The following TSPEAR variants were observed in gnomAD, a reference collection of about 807,000 sequenced individuals.
The protein encoded by TSPEAR is thrombospondin type laminin G domain and EAR repeats.
In TSPEAR, 69 loss-of-function variants were observed where a neutral mutation model predicts 71.6. The observed-to-expected ratio is 0.96, with a 90% confidence interval of 0.79 to 1.18. TSPEAR has a LOEUF of 1.18. TSPEAR is among the 50% of genes most tolerant of loss of function. The pLI, the probability that TSPEAR is intolerant of heterozygous loss-of-function variation, is 0.00. For synonymous variants in TSPEAR, 402 were observed against 387.2 expected, an observed-to-expected ratio of 1.04 and a Z score of -0.45; for missense variants, 971 against 894.9, an observed-to-expected ratio of 1.09 and a Z score of -1.09.
chr21:44,620,657 A>G (rs587663797), intron 1 of TSPEAR, among the ~76,000 whole-genome samples: 13 of 152,322 alleles, frequency 8.5e-5, no homozygotes, highest in African/African-American at 2.6e-4. Flanking sequence ...TAAAATTTCT[A>G]TTCCATTTAT....
At chr21:44,595,282 C>T (rs1164511913) in intron 1 of TSPEAR, among the ~76,000 whole-genome samples, 1 of 152,168 alleles carries the variant, frequency 6.6e-6, no homozygotes, top group Admixed American at 6.5e-5. Flanking sequence ...AGCCCATTCT[C>T]ATTATTCCCA....
chr21:44,627,892 C>G, intron 1 of TSPEAR: 1 of 1,612,124 alleles, frequency 6.2e-7, no homozygotes, highest in East Asian at 2.2e-5. Context: ...TGTGTGCAGG[C>G]CCGCCTGCTG....
Position 44,512,154 on chromosome 21 carries a change from AGCAGGG to A in TSPEAR, c.1567-2774_1567-2769del, listed in dbSNP as rs1601333377. 8.5e-5 allele frequency among the ~76,000 whole-genome samples: 13 copies of A among 152,292 alleles called. No individual in the cohort carries two copies. The South Asian group carries it at 2.7e-3, about 32-fold the overall frequency. The stretch of plus-strand genomic sequence containing the variant: ...AGGGCTGGGCGCACACAGAGTGCGG[AGCAGGG>A]GCTGGGGCGGGCCTACAGGGCCTGG... On this transcript the variant is annotated intron_variant, in intron 9 of 11. Coordinates refer to ENST00000323084, the MANE Select transcript of TSPEAR (RefSeq NM_144991.3).
chr21:44,602,733 A>AGG (rs1981043165), intron 1 of TSPEAR, among the ~76,000 whole-genome samples: 1 of 151,794 alleles, frequency 6.6e-6, no homozygotes, highest in South Asian at 2.1e-4. Context: ...AACATCGCAC[A>AGG]CGCAGCGTCC....
chr21:44,655,526 C>T (rs1415248807), intron 1 of TSPEAR, among the ~76,000 whole-genome samples: 7 of 152,332 alleles, frequency 4.6e-5, no homozygotes, highest in Middle Eastern at 3.4e-3. Context: ...CCTCTGCAGA[C>T]GGAGCCCAGG....
intron 1 of TSPEAR, among the ~76,000 whole-genome samples, chr21:44,689,922 C>T (rs1555949554): frequency 6.6e-6 from 1 of 151,512 alleles, no homozygotes; most frequent in Non-Finnish European, 1.5e-5. Flanking sequence ...CTAGGCCAGT[C>T]TCGCCTCTTC....
At chr21:44,601,921 C>T in intron 1 of TSPEAR, 1 of 848,838 alleles carries the variant, frequency 1.2e-6, no homozygotes, top group Non-Finnish European at 1.8e-6. Flanking sequence ...TCTTGACTTT[C>T]CCCCAATTAC....
intron 1 of TSPEAR, among the ~76,000 whole-genome samples, chr21:44,678,328 T>C (rs1234011944): frequency 2.0e-5 from 3 of 152,082 alleles, no homozygotes; most frequent in African/African-American, 7.2e-5. Context: ...CTCTTGGTGG[T>C]ATTGTCATGA....
intron 1 of TSPEAR, among the ~76,000 whole-genome samples, chr21:44,589,564 T>C (rs1441346630): frequency 6.6e-6 from 1 of 152,168 alleles, no homozygotes; most frequent in Non-Finnish European, 1.5e-5. Context: ...GAGGGACGGT[T>C]TTCCAAGGTG....
chr21:44,612,713 CCCT>C lies in TSPEAR; in HGVS notation c.83-44711_83-44709del. 6.2e-7 allele frequency: 1 copy of C among 1,613,876 alleles called. No homozygotes were observed. The highest frequency in any genetic ancestry group is 2.2e-5 in the East Asian group (1 of 44,874). On this transcript the variant is annotated intron_variant, in intron 1 of 11. Coordinates refer to ENST00000323084, the MANE Select transcript of TSPEAR (RefSeq NM_144991.3). This position sits in a 1 kb window ranked among gnomAD's most constrained non-coding sequence, Gnocchi z 4.1. ...TTGCTGCACCACCTCCTGCTGCAGA[CCCT>C]CCTCCTCCGTGTCCCTCCTCTGCCG...
chr21:44,522,070 G>T lies in TSPEAR; in HGVS notation c.1379C>A (p.Pro460Gln), dbSNP rs782351586. Residue 460 changes from proline to glutamine, a missense_variant, in exon 9 of 12, where the codon CCG becomes CAG. Coordinates refer to ENST00000323084, the MANE Select transcript of TSPEAR (RefSeq NM_144991.3). The part of the protein sequence containing the change: ...NIDSVIYKWN[P>Q]ATRLFEANQT... ...GTTGGCCTCGAAGAGCCGGGTTGCC[G>T]GGTTCCACTTGTAGATGACACTGTC... is the stretch of plus-strand genomic sequence containing the variant. The T allele has an allele frequency of 1.2e-6, 2 of 1,614,002 alleles. No homozygotes were observed.
intron 1 of TSPEAR, among the ~76,000 whole-genome samples, chr21:44,704,427 C>G (rs9978396): frequency 0.59 from 90,060 of 152,148 alleles, 27,531 homozygotes; most frequent in Non-Finnish European, 0.68. Context: ...CCCAGGGAAC[C>G]CAAACCGTGC....
intron 1 of TSPEAR, chr21:44,601,274 G>C: frequency 6.2e-7 from 1 of 1,609,022 alleles, no homozygotes; most frequent in Non-Finnish European, 8.5e-7. Flanking sequence ...AAGCCGGCTT[G>C]CTGCACCTCC....
chr21:44,636,915 G>C (rs1983607493), intron 1 of TSPEAR, among the ~76,000 whole-genome samples: 1 of 150,676 alleles, frequency 6.6e-6, no homozygotes, highest in African/African-American at 2.5e-5. Flanking sequence ...GAAGATCCCA[G>C]AGCCCGCCAG....
intron 1 of TSPEAR, among the ~76,000 whole-genome samples, chr21:44,571,897 G>A (rs1244954418): frequency 2.0e-5 from 3 of 152,240 alleles, no homozygotes; most frequent in African/African-American, 7.2e-5. Flanking sequence ...AAGGAACAAG[G>A]CAGGGAGGAG....
intron 1 of TSPEAR, among the ~76,000 whole-genome samples, chr21:44,575,717 A>G (rs1188998269): frequency 6.6e-6 from 1 of 152,166 alleles, no homozygotes; most frequent in East Asian, 1.9e-4. Flanking sequence ...ATGCCTCCCT[A>G]GCTTCAAAAT....
intron 1 of TSPEAR, among the ~76,000 whole-genome samples, chr21:44,589,460 A>C (rs1394058840): frequency 1.3e-5 from 2 of 152,258 alleles, no homozygotes; most frequent in Admixed American, 6.5e-5. Context: ...ATGGGCGCAC[A>C]AATCTGTGTG....
At chr21:44,580,473 AG>A (rs782569707) in intron 1 of TSPEAR, 78 of 1,613,200 alleles carry the variant, frequency 4.8e-5, no homozygotes, top group Non-Finnish European at 6.4e-5. Context: ...AGGGTCAGGC[AG>A]GGGGCGGTGC....
At chr21:44,606,032 T>C (rs1469654413) in intron 1 of TSPEAR, among the ~76,000 whole-genome samples, 1 of 151,502 alleles carries the variant, frequency 6.6e-6, no homozygotes, top group African/African-American at 2.4e-5. Context: ...TGGGAAAAAA[T>C]ATCTGCAAAC....
Sources: allele counts gnomAD v4.1 joint callset (sites outside exome capture counted in the v4.1 genomes callset), GRCh38; gene constraint gnomAD v4.1.1; non-coding constraint Gnocchi (gnomAD v3.1); transcripts MANE v1.5; gene names NCBI Gene and HGNC (gene_info 2026-07-23, HGNC 2026-07-21).